Variants in CFAP100 observed in about 807,000 individuals in gnomAD.
The protein encoded by CFAP100 is cilia- and flagella-associated protein 100.
A neutral mutation model predicts 81.5 loss-of-function variants in CFAP100; 70 were observed. That is an observed-to-expected ratio of 0.86 (90% CI 0.71 to 1.05). CFAP100 has a LOEUF of 1.05. Among genes scored for constraint, CFAP100 ranks in the 50% least tolerant of loss-of-function variants. The pLI is 0.00. For missense variants in CFAP100, 811 were observed against 776.5 expected (o/e 1.04, Z -0.53); for synonymous variants, 341 against 314.8 (o/e 1.08, Z -0.88).
chr3:126,409,106 C>T (rs565547648), intron 3 of CFAP100, among the ~76,000 whole-genome samples: 1 of 152,222 alleles, frequency 6.6e-6, no homozygotes, highest in East Asian at 1.9e-4. Context: ...TGAGTTTTGA[C>T]AAATGTGTAC....
chr3:126,415,424 C>T (rs2083220759), intron 4 of CFAP100, among the ~76,000 whole-genome samples: 1 of 152,012 alleles, frequency 6.6e-6, no homozygotes, highest in Non-Finnish European at 1.5e-5. Flanking sequence ...TCACAACCTC[C>T]CCCTCCCGAC....
intron 2 of CFAP100, among the ~76,000 whole-genome samples, chr3:126,401,655 CAG>C (rs2082985269): frequency 1.4e-5 from 2 of 147,308 alleles, no homozygotes; most frequent in African/African-American, 5.1e-5. Context: ...ATGGGCAGCC[CAG>C]AGAGAGTGTC....
chr3:126,427,415 A>C (rs1933003223), intron 13 of CFAP100, among the ~76,000 whole-genome samples: 1 of 152,228 alleles, frequency 6.6e-6, no homozygotes, highest in South Asian at 2.1e-4. Context: ...AGCAATGGAT[A>C]ACCAAAGTAG....
chr3:126,431,784 T>C (rs1241183224), intron 13 of CFAP100, among the ~76,000 whole-genome samples: 4 of 152,200 alleles, frequency 2.6e-5, no homozygotes, highest in Admixed American at 1.3e-4. Context: ...ACCAGATCAC[T>C]TTCCCTATAC....
chr3:126,434,072 C>T (rs762608846), intron 14 of CFAP100, 104 bp from the exon 15 acceptor site: 29 of 939,954 alleles, frequency 3.1e-5, no homozygotes, highest in Admixed American at 1.4e-4. Context: ...GTGTGCCAAG[C>T]GGTGGCCCCC....
At chr3:126,431,921 A>T (rs1224824128) in intron 13 of CFAP100, among the ~76,000 whole-genome samples, 1 of 152,164 alleles carries the variant, frequency 6.6e-6, no homozygotes, top group Non-Finnish European at 1.5e-5. Context: ...GGTGATGCCC[A>T]GGATGTCTGA....
At chr3:126,428,368 TAAAGAGAGAG>T (rs1560079663) in intron 13 of CFAP100, among the ~76,000 whole-genome samples, 1 of 151,764 alleles carries the variant, frequency 6.6e-6, no homozygotes, top group Admixed American at 6.6e-5. Flanking sequence ...GAGAGAGGGA[TAAAGAGAGAG>T]AAAGCACACA....
intron 2 of CFAP100, among the ~76,000 whole-genome samples, chr3:126,400,609 G>C (rs554999275): frequency 6.6e-6 from 1 of 152,056 alleles, no homozygotes; most frequent in Admixed American, 6.6e-5. Context: ...AAAAATAACC[G>C]GGCATGGTGG....
chr3:126,426,652 A>C (rs1932954369), intron 13 of CFAP100, among the ~76,000 whole-genome samples: 2 of 152,206 alleles, frequency 1.3e-5, no homozygotes, highest in South Asian at 4.1e-4. Context: ...TGGGAGGCTG[A>C]GGCAGGGGAA....
chr3:126,432,493 A>G (rs1474960827), intron 13 of CFAP100, among the ~76,000 whole-genome samples: 1 of 152,172 alleles, frequency 6.6e-6, no homozygotes, highest in Non-Finnish European at 1.5e-5. Context: ...TACGTATGCA[A>G]TGGAAGATTA....
intron 5 of CFAP100, among the ~76,000 whole-genome samples, chr3:126,417,717 C>G (rs1260624517): frequency 3.3e-5 from 5 of 152,240 alleles, no homozygotes; most frequent in African/African-American, 1.2e-4. Context: ...GAGGCCCAGC[C>G]AGGGCCTCTG....
At chr3:126,398,877 G>A (rs553071839) in intron 2 of CFAP100, among the ~76,000 whole-genome samples, 1 of 152,334 alleles carries the variant, frequency 6.6e-6, no homozygotes, top group Non-Finnish European at 1.5e-5. Flanking sequence ...TGAGACGGAG[G>A]CGCCTGCTCT....
At chr3:126,432,291 A>G (rs941984683) in intron 13 of CFAP100, among the ~76,000 whole-genome samples, 4 of 151,348 alleles carry the variant, frequency 2.6e-5, no homozygotes, top group Admixed American at 1.3e-4. Context: ...TCAAAAAAAA[A>G]AAAAAAAAAA....
Position 126,419,654 on chromosome 3 carries a change from A to C in CFAP100, c.749A>C (p.Glu250Ala). The C allele has an allele frequency of 1.2e-6, 2 of 1,613,822 alleles. No individual in the cohort carries two copies. The highest frequency in any genetic ancestry group is 2.2e-5 in the South Asian group (2 of 91,070). Reference sequence around the variant, plus strand: ...CGGTGTAGTGAGATCTCCAGATTTGAAGACACTCTGAAGCATTACAAGGTC... The same window carrying C: ...CGGTGTAGTGAGATCTCCAGATTTGCAGACACTCTGAAGCATTACAAGGTC... ...VNIKSEISRF[E>A]DTLKHYKVYK... Residue 250 changes from glutamate (E) to alanine (A), a missense_variant, in exon 9 of 17, where the codon GAA becomes GCA. Physicochemically the swap from Glu to Ala is moderately radical, Grantham distance 107. Transcript: ENST00000352312.
intron 5 of CFAP100, chr3:126,418,018 CA>C: frequency 6.0e-6 from 1 of 167,842 alleles, no homozygotes; most frequent in Non-Finnish European, 1.3e-5. Flanking sequence ...AGTGTAGACT[CA>C]GCCTCTGCCC....
rs757315451 is a variant in CFAP100 at position 126,419,706 on chromosome 3, G to A, written c.801G>A (p.Ser267=). 64 of 1,613,960 alleles carry A rather than the reference G, an allele frequency of 4.0e-5. No homozygotes were observed. The highest frequency in any genetic ancestry group is 6.7e-5 in the East Asian group (3 of 44,906). Residue 267 remains serine, a synonymous_variant, in exon 9 of 17, where the codon TCG becomes TCA. Coordinates refer to ENST00000352312, the MANE Select transcript of CFAP100 (RefSeq NM_182628.3). The part of the protein sequence containing the change: ...KVYKDFLYKL[S]PKEWLEEQEK... ...ATAAGGATTTCCTATACAAGCTGTCGCCCAAGGAGTGGCTTGAAGAACAGG... is the reference window on the plus strand; with the variant it reads ...ATAAGGATTTCCTATACAAGCTGTCACCCAAGGAGTGGCTTGAAGAACAGG...
intron 3 of CFAP100, 44 bp downstream of exon 3, chr3:126,407,296 C>A: frequency 7.5e-7 from 1 of 1,328,410 alleles, no homozygotes; most frequent in Non-Finnish European, 1.1e-6. Context: ...TGGCAGGAGG[C>A]AACTCCTCTC....
Position 126,435,706 on chromosome 3 carries a change from G to C in CFAP100, c.1722+54G>C, listed in dbSNP as rs1260663438. 6.4e-6 allele frequency: 9 copies of C among 1,413,430 alleles called. No homozygotes were observed. In the East Asian group the frequency reaches 1.9e-4, roughly 29 times the overall value. The allele number at this position is 1,413,430 out of a possible 1,614,324, so 87.6% of individuals were successfully genotyped here. ...GCTGGAGGGGGTCCCAAGACAGCAT[G>C]GCAGCTGAGGTCCTGCAGCCCAAGC... On this transcript the variant is annotated intron_variant, in intron 16 of 16. Transcript: ENST00000352312.
intron 13 of CFAP100, among the ~76,000 whole-genome samples, chr3:126,430,520 C>T (rs1933171816): frequency 6.6e-6 from 1 of 151,218 alleles, no homozygotes; most frequent in Admixed American, 6.6e-5. Context: ...AATACTTTGC[C>T]CTTTCTCTCT....
Sources: gnomAD v4.1 joint callset for allele counts (sites outside exome capture counted in the v4.1 genomes callset) on GRCh38, gnomAD v4.1.1 for gene constraint, MANE v1.5 for transcripts, NCBI Gene and HGNC (gene_info 2026-07-23, HGNC 2026-07-21) for gene names.